ZBED6: variants seen among roughly 807,000 people sequenced by gnomAD.
ZBED6 encodes the protein zinc finger BED domain-containing protein 6.
A neutral mutation model predicts 58.4 loss-of-function variants in ZBED6; 40 were observed. The observed-to-expected ratio is 0.68, with a 90% CI of 0.53 to 0.89. The LOEUF (loss-of-function observed/expected upper bound fraction) is 0.89. ZBED6 is among the 40% of genes least tolerant of loss of function. ZBED6 has a pLI of 0.00. For missense variants in ZBED6, 1,057 were observed against 1,003.9 expected, an observed-to-expected ratio of 1.05 and a Z score of -0.71; for synonymous variants, 439 against 350.6, an observed-to-expected ratio of 1.25 and a Z score of -2.82.
At position 203,850,021 on chromosome 1, in the gene ZBED6, G is replaced by A. The variant is rs1330552354; in HGVS notation, c.*4633G>A. The A allele has an allele frequency of 6.8e-6, 11 of 1,613,694 alleles. No homozygotes were observed. In the East Asian group the frequency reaches 2.2e-4, roughly 33 times the overall value. On this transcript the variant is annotated 3_prime_UTR_variant, in exon 14 of 17. Transcript: ENST00000550078. ...GCAGCACAGACCTTGGAAAAAAGGG[G>A]TAAAGGCAAGTATTTCTATACTGTG...
At chr1:203,850,259 C>A in intron 14 of ZBED6, 3 of 651,398 alleles carry the variant, frequency 4.6e-6, no homozygotes, top group Non-Finnish European at 7.9e-6. Flanking sequence ...TATGGTGCAT[C>A]TTTCCTCTGG....
At chr1:203,843,340 C>A (rs2103316651) in intron 11 of ZBED6, among the ~76,000 whole-genome samples, 1 of 152,172 alleles carries the variant, frequency 6.6e-6, no homozygotes, top group South Asian at 2.1e-4. Context: ...ACATTAATTT[C>A]TTTTGAGTAT....
At chr1:203,803,694 C>T (rs1671228575) in intron 1 of ZBED6, among the ~76,000 whole-genome samples, 1 of 152,134 alleles carries the variant, frequency 6.6e-6, no homozygotes, top group Non-Finnish European at 1.5e-5. Context: ...CAACGTCAAA[C>T]CCCTGGGCTT....
chr1:203,807,142 C>T (rs1331703656), intron 1 of ZBED6, among the ~76,000 whole-genome samples: 3 of 151,806 alleles, frequency 2.0e-5, no homozygotes, highest in African/African-American at 7.3e-5. Context: ...CCCAAAGCTC[C>T]GGGATTACAG....
intron 11 of ZBED6, among the ~76,000 whole-genome samples, chr1:203,845,375 A>T (rs201514754): frequency 1.3e-5 from 2 of 152,138 alleles, no homozygotes; most frequent in East Asian, 3.8e-4. Context: ...AGAATTTGTG[A>T]TTTTTTATTA....
At chr1:203,804,156 T>G (rs997397577) in intron 1 of ZBED6, among the ~76,000 whole-genome samples, 24 of 148,930 alleles carry the variant, frequency 1.6e-4, no homozygotes, top group Admixed American at 3.3e-4. Context: ...ATATGTGTTT[T>G]TTTTTTTTTT....
At chr1:203,842,782 C>A (rs906965362) in intron 11 of ZBED6, among the ~76,000 whole-genome samples, 3 of 151,440 alleles carry the variant, frequency 2.0e-5, no homozygotes, top group African/African-American at 7.3e-5. Flanking sequence ...AAATTGGTGT[C>A]ATCTGGGTAT....
chr1:203,822,242 A>G (rs1166385339), intron 3 of ZBED6, among the ~76,000 whole-genome samples: 3 of 152,110 alleles, frequency 2.0e-5, no homozygotes, highest in Non-Finnish European at 2.9e-5. Context: ...GTCTACTAGT[A>G]TAAAAACCAA....
rs1684931079 is a variant in ZBED6, at chr1:203,838,072, T to G, written c.*3672+8T>G. 6.2e-7 allele frequency: 1 copy of G among 1,613,262 alleles called. No homozygotes were observed. Among genetic ancestry groups the G allele is most frequent in the Admixed American group, 1.7e-5 (1 of 59,934 alleles). On this transcript the variant is annotated splice_region_variant and intron_variant, in intron 10 of 16. Transcript: ENST00000550078. ...ACAAAACACCAAAGAAAGGTACCTG[T>G]GTTCTTACATACTTTGTGTGTGTAT...
chr1:203,815,216 CTTT>C (rs59254922), intron 1 of ZBED6, among the ~76,000 whole-genome samples: 1 of 97,154 alleles, frequency 1.0e-5, no homozygotes, highest in Non-Finnish European at 1.9e-5. Context: ...CTTTTCTTTT[CTTT>C]TTTTTTTTTT....
intron 1 of ZBED6, among the ~76,000 whole-genome samples, chr1:203,803,383 G>A (rs531771263): frequency 1.3e-5 from 2 of 151,894 alleles, no homozygotes; most frequent in African/African-American, 4.8e-5. Flanking sequence ...TGGAGATGAA[G>A]TTTCACCATC....
exon 1 of ZBED6, chr1:203,801,800 G>T (rs1670609282): frequency 8.5e-6 from 1 of 117,428 alleles, no homozygotes; most frequent in African/African-American, 3.2e-5. Flanking sequence ...ATCAAAATCG[G>T]GTTTTTTTTG....
At position 203,819,410 on chromosome 1, in the gene ZBED6, C is replaced by T. The variant is rs944541547; in HGVS notation, c.*2873+721C>T. 3.3e-5 allele frequency among the ~76,000 whole-genome samples: 5 copies of T among 150,420 alleles called. No homozygotes were observed. The South Asian group carries it at 6.3e-4, about 19-fold the overall frequency. ...CTAATTTTTGTATTTTTAGTAGAGACGGGGTTTTACCACGCAGGCCAGGCT... is the reference window on the plus strand; with the variant it reads ...CTAATTTTTGTATTTTTAGTAGAGATGGGGTTTTACCACGCAGGCCAGGCT... On this transcript the variant is annotated intron_variant, in intron 3 of 16. Transcript: ENST00000550078.
chr1:203,811,878 T>A (rs1674610427), intron 1 of ZBED6, among the ~76,000 whole-genome samples: 1 of 151,734 alleles, frequency 6.6e-6, no homozygotes, highest in Non-Finnish European at 1.5e-5. Context: ...TGCAGTAGTG[T>A]GATCTTGGTT....
chr1:203,831,148 T>C (rs920709003), intron 7 of ZBED6, among the ~76,000 whole-genome samples: 3 of 151,870 alleles, frequency 2.0e-5, no homozygotes, highest in Non-Finnish European at 4.4e-5. Flanking sequence ...TTCTCCATGT[T>C]GGTTGGGCTG....
chr1:203,805,506 A>G (rs1159967984), intron 1 of ZBED6: 1 of 463,614 alleles, frequency 2.2e-6, no homozygotes, highest in East Asian at 5.7e-5. Flanking sequence ...GAGCAATGTA[A>G]TTAAACTTTC....
intron 2 of ZBED6, among the ~76,000 whole-genome samples, chr1:203,818,187 A>G (rs916922537): frequency 6.6e-6 from 1 of 152,132 alleles, no homozygotes; most frequent in African/African-American, 2.4e-5. Context: ...TATTGTATAT[A>G]TGTTAATTAT....
chr1:203,851,010 T>G, intron 15 of ZBED6, 47 bp from the exon 16 acceptor site: 1 of 1,597,532 alleles, frequency 6.3e-7, no homozygotes, highest in Non-Finnish European at 8.5e-7. Context: ...TATGCTCAAA[T>G]TAAAAAGCCT....
chr1:203,839,965 G>A (rs1483840335), intron 10 of ZBED6, among the ~76,000 whole-genome samples: 3 of 134,966 alleles, frequency 2.2e-5, no homozygotes, highest in African/African-American at 5.4e-5. Context: ...CACCACACCC[G>A]GCTAATTTTT....
Sources: allele counts gnomAD v4.1 joint callset (sites outside exome capture counted in the v4.1 genomes callset), GRCh38; gene constraint gnomAD v4.1.1; transcripts MANE v1.5; gene names NCBI Gene and HGNC (gene_info 2026-07-23, HGNC 2026-07-21).